The following MCPH1 variants were observed in gnomAD, a reference collection of about 807,000 sequenced individuals.
MCPH1 encodes the protein microcephalin.
Under a neutral mutation model 84.5 loss-of-function variants are expected in MCPH1, and 104 were observed. The ratio of observed to expected loss-of-function variants is 1.23; its 90% CI spans 1.05 to 1.45. MCPH1 has a LOEUF of 1.45. MCPH1 is among the 40% of genes most tolerant of loss of function. MCPH1 has a pLI of 0.00. For synonymous variants in MCPH1, 514 were observed against 366.8 expected, an observed-to-expected ratio of 1.40 and a Z score of -4.58; for missense variants, 1,498 against 1,005.7, an observed-to-expected ratio of 1.49 and a Z score of -6.62.
chr8:6,465,537 A>G (rs1428609221), intron 9 of MCPH1, among the ~76,000 whole-genome samples: 2 of 152,188 alleles, frequency 1.3e-5, no homozygotes, highest in Non-Finnish European at 2.9e-5. Flanking sequence ...AGGTTTCTGG[A>G]AAGCGTTCTC....
chr8:6,511,206 C>G (rs1418133071), intron 12 of MCPH1, among the ~76,000 whole-genome samples: 1 of 151,864 alleles, frequency 6.6e-6, no homozygotes, highest in Non-Finnish European at 1.5e-5. Flanking sequence ...CTTTTGTGGC[C>G]CACTGGTTTA....
intron 11 of MCPH1, among the ~76,000 whole-genome samples, chr8:6,485,998 T>C (rs2440445): frequency 0.19 from 28,995 of 152,134 alleles, 3,810 homozygotes; most frequent in African/African-American, 0.38. Context: ...AAGACAAAGA[T>C]GACTGCTGCT....
intron 12 of MCPH1, among the ~76,000 whole-genome samples, chr8:6,612,429 C>T (rs1330735301): frequency 2.0e-5 from 3 of 152,196 alleles, no homozygotes; most frequent in African/African-American, 7.2e-5. Flanking sequence ...CCTGGCAGTG[C>T]TGCTGCCTGT....
In MCPH1 at chr8:6,644,113, G is replaced by A. The variant is rs925406770; in HGVS notation, c.*1064G>A. The A allele has an allele frequency of 6.6e-6, 1 of 152,242 alleles. No individual in the cohort carries two copies. Among genetic ancestry groups the A allele is most frequent in the Non-Finnish European group, 1.5e-5 (1 of 68,126 alleles). 9.4% of individuals were successfully genotyped at this position (152,242 alleles called of 1,614,324 possible). A position where few individuals can be genotyped will look rare whatever the true frequency, so the allele number is the denominator to read the frequency against. On this transcript the variant is annotated 3_prime_UTR_variant, in exon 14 of 14. Transcript: ENST00000344683. The stretch of plus-strand genomic sequence containing the variant: ...AAAAATACAAAAATCAGCTGGGTGT[G>A]GTGGCACACACCTGTGGTCCCAGCT...
At chr8:6,521,073 A>T in intron 12 of MCPH1, 5 of 759,908 alleles carry the variant, frequency 6.6e-6, no homozygotes, top group Non-Finnish European at 1.1e-5. Flanking sequence ...TATGAAATAT[A>T]TGAGAAATAG....
At chr8:6,551,346 T>C (rs1206479962) in intron 12 of MCPH1, among the ~76,000 whole-genome samples, 1 of 152,208 alleles carries the variant, frequency 6.6e-6, no homozygotes, top group African/African-American at 2.4e-5. Context: ...GCATGTCAGC[T>C]GCAACGCCTT....
intron 4 of MCPH1, among the ~76,000 whole-genome samples, chr8:6,435,645 C>T (rs1267148518): frequency 6.6e-6 from 1 of 152,114 alleles, no homozygotes; most frequent in African/African-American, 2.4e-5. Flanking sequence ...TGGGCATGCT[C>T]AAGTGACGTA....
rs80324828 is a variant in MCPH1 at position 6,502,955 on chromosome 8, C to G, written c.2214+3026C>G. 4.8e-3 allele frequency: 4,208 copies of G among 878,218 alleles called. 14 individuals carry two copies. Among genetic ancestry groups the G allele is most frequent in the Middle Eastern group, 6.8e-3 (19 of 2,800 alleles). The allele number at this position is 878,218 out of a possible 1,614,324, so 54.4% of individuals were successfully genotyped here. On this transcript the variant is annotated intron_variant, in intron 12 of 13. Coordinates refer to ENST00000344683, the MANE Select transcript of MCPH1 (RefSeq NM_024596.5). The stretch of plus-strand genomic sequence containing the variant: ...GTTTAAGTGATAAAGTTTACAGGCT[C>G]TAATCTGGAGCATGTGGGTCCCGTC...
intron 12 of MCPH1, chr8:6,618,653 T>G (rs1439428641): frequency 1.3e-5 from 2 of 152,204 alleles, no homozygotes; most frequent in Admixed American, 6.5e-5. Context: ...ACTGATCTAT[T>G]ATTCATAATC....
chr8:6,526,762 G>C (rs937957717), intron 12 of MCPH1, among the ~76,000 whole-genome samples: 1 of 152,096 alleles, frequency 6.6e-6, no homozygotes, highest in African/African-American at 2.4e-5. Flanking sequence ...GTTCCATGTT[G>C]TATATACATG....
chr8:6,572,744 C>A (rs532795023), intron 12 of MCPH1, among the ~76,000 whole-genome samples: 1 of 152,294 alleles, frequency 6.6e-6, no homozygotes, highest in South Asian at 2.1e-4. Context: ...AATTTAGAGA[C>A]CCAGTCCTGT....
chr8:6,499,246 A>G (rs1292086784), intron 11 of MCPH1, among the ~76,000 whole-genome samples: 2 of 152,096 alleles, frequency 1.3e-5, no homozygotes, highest in South Asian at 2.1e-4. Flanking sequence ...AAAAGATTGT[A>G]TTGATCATTT....
chr8:6,425,480 A>G (rs554316175), intron 3 of MCPH1, among the ~76,000 whole-genome samples: 1 of 152,328 alleles, frequency 6.6e-6, no homozygotes, highest in Admixed American at 6.5e-5. Context: ...CATTACCAGC[A>G]GTAAGTGCCA....
chr8:6,611,785 A>AT (rs1299165031), intron 12 of MCPH1, among the ~76,000 whole-genome samples: 4 of 152,028 alleles, frequency 2.6e-5, no homozygotes, highest in Non-Finnish European at 4.4e-5. Context: ...CGCCCGGCTA[A>AT]TTTTTTGTAT....
chr8:6,500,115 C>T, intron 12 of MCPH1, 186 bp downstream of exon 12: 1 of 607,534 alleles, frequency 1.6e-6, no homozygotes, highest in Non-Finnish European at 2.9e-6. Context: ...GAACGTGAGA[C>T]CATTGTGCAA....
intron 12 of MCPH1, among the ~76,000 whole-genome samples, chr8:6,594,903 A>T (rs1487560974): frequency 6.6e-6 from 1 of 152,220 alleles, no homozygotes; most frequent in African/African-American, 2.4e-5. Flanking sequence ...ACATTACTTT[A>T]GCTCCTTCTC....
chr8:6,411,255 G>C (rs1191319419), intron 2 of MCPH1, among the ~76,000 whole-genome samples: 2 of 152,246 alleles, frequency 1.3e-5, no homozygotes, highest in African/African-American at 4.8e-5. Context: ...AGTAACTTAA[G>C]CAACTGTTAC....
At position 6,522,773 on chromosome 8, in the gene MCPH1, C is replaced by CAAA. The variant is rs199503821; in HGVS notation, c.2214+22854_2214+22856dup. 6.4e-4 allele frequency among the ~76,000 whole-genome samples: 83 copies of CAAA among 130,398 alleles called. 2 individuals are homozygous for CAAA. Among genetic ancestry groups the CAAA allele is most frequent in the Middle Eastern group, 3.9e-3 (1 of 256 alleles). The allele number at this position is 130,398 out of a possible 152,430, so 85.5% of individuals were successfully genotyped here. On this transcript the variant is annotated intron_variant, in intron 12 of 13. Transcript: ENST00000344683. The stretch of plus-strand genomic sequence containing the variant: ...TGGGCAACAGAGCGAGACATCGTCT[C>CAAA]AAAAAAAAAAAAGAAAAGAAAAGAA...
At chr8:6,626,936 C>T (rs1796764052) in intron 13 of MCPH1, 5 of 984,312 alleles carry the variant, frequency 5.1e-6, no homozygotes, top group South Asian at 4.7e-5. Flanking sequence ...ATAAGACATA[C>T]ATTTATGCTA....
Sources: allele counts gnomAD v4.1 joint callset (sites outside exome capture counted in the v4.1 genomes callset), GRCh38; gene constraint gnomAD v4.1.1; transcripts MANE v1.5; gene names NCBI Gene and HGNC (gene_info 2026-07-23, HGNC 2026-07-21).